KCMF1: variants seen among roughly 807,000 people sequenced by gnomAD.
The protein encoded by KCMF1 is E3 ubiquitin-protein ligase KCMF1.
In KCMF1, 3 loss-of-function variants were observed where a neutral mutation model predicts 41.1. That is an observed-to-expected ratio of 0.07 (90% CI 0.03 to 0.19). KCMF1 has a LOEUF of 0.19. KCMF1 is among the 10% of genes least tolerant of loss of function. The pLI is 1.00. For missense variants in KCMF1, 286 were observed against 488.9 expected (o/e 0.58, Z 3.91); for synonymous variants, 142 against 164.5 (o/e 0.86, Z 1.04).
chr2:84,993,231 C>T (rs1443695369), intron 1 of KCMF1, among the ~76,000 whole-genome samples: 1 of 150,040 alleles, frequency 6.7e-6, no homozygotes, highest in Non-Finnish European at 1.5e-5. Flanking sequence ...CAAAACAAAA[C>T]AAAAAAACCA....
At chr2:85,031,113 G>A (rs1675255481) in intron 2 of KCMF1, among the ~76,000 whole-genome samples, 2 of 152,108 alleles carry the variant, frequency 1.3e-5, no homozygotes, top group African/African-American at 2.4e-5. Flanking sequence ...TATTATTTTG[G>A]GTATTCTGTG....
intron 1 of KCMF1, among the ~76,000 whole-genome samples, chr2:85,009,353 C>G (rs1674597735): frequency 6.6e-6 from 1 of 152,170 alleles, no homozygotes; most frequent in Non-Finnish European, 1.5e-5. Flanking sequence ...GTGAGTCAGT[C>G]AAACCTCTCT....
At chr2:84,971,999 G>C (rs1673409683) in intron 1 of KCMF1, 2 of 152,218 alleles carry the variant, frequency 1.3e-5, no homozygotes, top group South Asian at 4.1e-4. Flanking sequence ...CGGGGCTGGC[G>C]GGAAGGCTCT....
intron 1 of KCMF1, among the ~76,000 whole-genome samples, chr2:85,003,532 T>C (rs1158594141): frequency 6.6e-6 from 1 of 152,152 alleles, no homozygotes; most frequent in Non-Finnish European, 1.5e-5. Flanking sequence ...TCAATCTCTG[T>C]TCTGTCATCT....
chr2:85,039,166 T>A (rs1302759801), intron 3 of KCMF1, among the ~76,000 whole-genome samples: 1 of 152,230 alleles, frequency 6.6e-6, no homozygotes, highest in African/African-American at 2.4e-5. Flanking sequence ...AACGGATTAG[T>A]CCATGGTAAC....
At chr2:84,986,786 G>A (rs1392013080) in intron 1 of KCMF1, among the ~76,000 whole-genome samples, 1 of 152,120 alleles carries the variant, frequency 6.6e-6, no homozygotes, top group Non-Finnish European at 1.5e-5. Context: ...GGAGGCTGAG[G>A]CAGGAGACTC....
At chr2:84,985,881 G>C (rs1673889636) in intron 1 of KCMF1, among the ~76,000 whole-genome samples, 1 of 150,962 alleles carries the variant, frequency 6.6e-6, no homozygotes, top group Non-Finnish European at 1.5e-5. Flanking sequence ...TACATTAGCA[G>C]CTCTCAAACT....
chr2:84,990,594 A>G (rs1674018959), intron 1 of KCMF1, among the ~76,000 whole-genome samples: 1 of 152,110 alleles, frequency 6.6e-6, no homozygotes, highest in Admixed American at 6.6e-5. Flanking sequence ...GGATTGCTCA[A>G]GCCCAGGAGT....
rs1379202827 is a variant in KCMF1, at chr2:85,057,246, C to T, written c.*3837C>T. Reference sequence around the variant, plus strand: ...AGAATTATACGCGAAAGTTGGTGTTCATGCTGGAAAACAGTTACGGTTATC... The same window carrying T: ...AGAATTATACGCGAAAGTTGGTGTTTATGCTGGAAAACAGTTACGGTTATC... On this transcript the variant is annotated 3_prime_UTR_variant, in exon 7 of 7. Coordinates refer to ENST00000409785, the MANE Select transcript of KCMF1 (RefSeq NM_020122.5). The T allele has an allele frequency of 6.6e-6, 1 of 152,002 alleles. No homozygotes were observed. Among genetic ancestry groups the T allele is most frequent in the Non-Finnish European group, 1.5e-5 (1 of 68,038 alleles). 9.4% of individuals were successfully genotyped at this position (152,002 alleles called of 1,614,324 possible).
intron 1 of KCMF1, among the ~76,000 whole-genome samples, chr2:85,007,988 C>G (rs745326770): frequency 3.3e-5 from 5 of 151,946 alleles, no homozygotes; most frequent in Non-Finnish European, 7.4e-5. Flanking sequence ...GCTTTGAACT[C>G]CTGACCTCAA....
At chr2:85,020,775 T>A (rs1420054571) in intron 1 of KCMF1, among the ~76,000 whole-genome samples, 1 of 152,220 alleles carries the variant, frequency 6.6e-6, no homozygotes, top group Non-Finnish European at 1.5e-5. Context: ...ATTCCATCTC[T>A]TTGCTCAGGT....
At chr2:85,011,341 G>T (rs1249848960) in intron 1 of KCMF1, among the ~76,000 whole-genome samples, 1 of 152,090 alleles carries the variant, frequency 6.6e-6, no homozygotes, top group African/African-American at 2.4e-5. Flanking sequence ...CTTCATTTCT[G>T]TGAGGAACCC....
At chr2:85,019,830 G>A (rs549154879) in intron 1 of KCMF1, among the ~76,000 whole-genome samples, 9 of 150,896 alleles carry the variant, frequency 6.0e-5, no homozygotes, top group South Asian at 2.1e-4. Flanking sequence ...ATATATATAC[G>A]TATGTATATA....
rs1489199118 is a variant in KCMF1, at chr2:85,027,909, T to C, written c.37T>C (p.Leu13=). 2 of 1,609,746 alleles carry C rather than the reference T, an allele frequency of 1.2e-6. No individual in the cohort carries two copies. Among genetic ancestry groups the C allele is most frequent in the Non-Finnish European group, 1.7e-6 (2 of 1,178,326 alleles). Residue 13 remains leucine (L), a synonymous_variant, in exon 2 of 7, where the codon TTA becomes CTA. Coordinates refer to ENST00000409785, the MANE Select transcript of KCMF1 (RefSeq NM_020122.5). ...TATAGGTGTCAGCTGTGATGCATGT[T>C]TAAAAGGAAATTTTCGAGGTCGCAG... The part of the protein sequence containing the change: ...RHEGVSCDAC[L]KGNFRGRRYK...
chr2:84,984,924 A>G (rs977207738), intron 1 of KCMF1, among the ~76,000 whole-genome samples: 2 of 152,116 alleles, frequency 1.3e-5, no homozygotes, highest in African/African-American at 2.4e-5. Flanking sequence ...CTTGGGCTCA[A>G]TCCCCTTGCC....
intron 5 of KCMF1, among the ~76,000 whole-genome samples, chr2:85,047,073 A>G (rs955195911): frequency 6.6e-6 from 1 of 152,124 alleles, no homozygotes; most frequent in Non-Finnish European, 1.5e-5. Flanking sequence ...GTATTATCCA[A>G]ATGCCCATTT....
intron 1 of KCMF1, among the ~76,000 whole-genome samples, chr2:85,026,163 G>T (rs990084992): frequency 6.6e-6 from 1 of 151,898 alleles, no homozygotes; most frequent in African/African-American, 2.4e-5. Context: ...GCTAATTTTT[G>T]TATGTTTAGT....
chr2:85,018,347 G>T (rs1242333153), intron 1 of KCMF1, among the ~76,000 whole-genome samples: 1 of 143,876 alleles, frequency 7.0e-6, no homozygotes, highest in African/African-American at 2.6e-5. Flanking sequence ...TCGGCTCACT[G>T]CAACCTCTGC....
intron 1 of KCMF1, among the ~76,000 whole-genome samples, chr2:85,004,697 C>T (rs1196615944): frequency 1.3e-5 from 2 of 151,840 alleles, no homozygotes; most frequent in Non-Finnish European, 2.9e-5. Context: ...AGTTGTGATT[C>T]GTAGGATTGT....
Sources: allele counts gnomAD v4.1 joint callset (sites outside exome capture counted in the v4.1 genomes callset), GRCh38; gene constraint gnomAD v4.1.1; transcripts MANE v1.5; gene names NCBI Gene and HGNC (gene_info 2026-07-23, HGNC 2026-07-21).